The following CEP192 variants were observed in gnomAD, a reference collection of about 807,000 sequenced individuals.
CEP192 encodes the protein centrosomal protein 192.
In CEP192, 151 loss-of-function variants were observed where a neutral mutation model predicts 271.8. That is an observed-to-expected ratio of 0.56 (90% CI 0.49 to 0.64). CEP192 has a LOEUF of 0.64. Ranked by LOEUF, CEP192 falls within the 30% of genes least tolerant of loss-of-function variation. The pLI, the probability that CEP192 is intolerant of heterozygous loss-of-function variation, is 0.00. For missense variants in CEP192, 2,910 were observed against 3,020.5 expected (o/e 0.96, Z 0.86); for synonymous variants, 995 against 1,076.5 (o/e 0.92, Z 1.48).
intron 36 of CEP192, 24 bp downstream of exon 36, chr18:13,096,331 C>T: frequency 6.2e-7 from 1 of 1,602,580 alleles, no homozygotes; most frequent in Non-Finnish European, 8.5e-7. Flanking sequence ...CTGTGTTGCT[C>T]TGCGTGTTAC....
rs757859521 is a variant in CEP192 at position 13,092,452 on chromosome 18, T to C, written c.6179T>C (p.Ile2060Thr). Reference protein sequence around the residue: ...GSMCKIILSVIGEFRDCISSR... With the variant: ...GSMCKIILSVTGEFRDCISSR... Reference sequence around the variant, plus strand: ...ATGTGTAAAATTATACTTTCAGTAATTGGAGAATTCAGAGATTGCATTTCT... The same window carrying C: ...ATGTGTAAAATTATACTTTCAGTAACTGGAGAATTCAGAGATTGCATTTCT... The change falls in exon 34 of 45, where the codon ATT becomes ACT. Residue 2060 changes from isoleucine to threonine, a missense_variant. Ile to Thr is a moderately conservative substitution (Grantham distance 89, BLOSUM62 -1). Coordinates refer to ENST00000506447, the MANE Select transcript of CEP192 (RefSeq NM_032142.4). 5.6e-6 allele frequency: 9 copies of C among 1,608,072 alleles called. No individual in the cohort carries two copies. The highest frequency in any genetic ancestry group is 1.7e-5 in the Admixed American group (1 of 59,620).
rs1331065595 is a variant in CEP192, at chr18:13,116,272, A to G, written c.7290-105A>G. The G allele has an allele frequency of 2.0e-5, 21 of 1,071,976 alleles. No homozygotes were observed. The East Asian group carries it at 4.9e-4, about 25-fold the overall frequency. The allele number at this position is 1,071,976 out of a possible 1,614,324, so 66.4% of individuals were successfully genotyped here. On this transcript the variant is annotated intron_variant, in intron 42 of 44. Coordinates refer to ENST00000506447, the MANE Select transcript of CEP192 (RefSeq NM_032142.4). The stretch of plus-strand genomic sequence containing the variant: ...AACTTATATTTGAAAATAAATCACC[A>G]GGAAAACATAAATTAATGCAATACT...
intron 9 of CEP192, 52 bp downstream of exon 9, chr18:13,019,258 T>C: frequency 7.1e-7 from 1 of 1,402,144 alleles, no homozygotes; most frequent in Non-Finnish European, 9.4e-7. Flanking sequence ...ATAAGGGGTC[T>C]TTTGTGTTTA....
intron 44 of CEP192, among the ~76,000 whole-genome samples, chr18:13,118,823 A>G (rs909274919): frequency 6.6e-6 from 1 of 151,948 alleles, no homozygotes; most frequent in Non-Finnish European, 1.5e-5. Context: ...TCATCATTAA[A>G]TCTCCCCTGT....
intron 4 of CEP192, among the ~76,000 whole-genome samples, chr18:13,009,461 T>C (rs765313443): frequency 1.3e-5 from 2 of 152,232 alleles, no homozygotes; most frequent in African/African-American, 2.4e-5. Flanking sequence ...TGATGAATTA[T>C]AAGTTCTAAA....
intron 9 of CEP192, 95 bp from the exon 10 acceptor site, chr18:13,029,567 AT>A: frequency 1.4e-6 from 1 of 727,540 alleles, no homozygotes; most frequent in South Asian, 2.2e-5. Context: ...AACATTTTAT[AT>A]CAACTATATA....
In CEP192 at chr18:13,040,920, A is replaced by G; in HGVS notation, c.1900A>G (p.Lys634Glu). 6.2e-7 allele frequency: 1 copy of G among 1,612,106 alleles called. No individual in the cohort carries two copies. Among genetic ancestry groups the G allele is most frequent in the Non-Finnish European group, 8.5e-7 (1 of 1,178,700 alleles). ...TGATGTATCAAGAGGTAATTTGGAAAAAGAAATGGCTCATCTTAACCATGA... is the reference window on the plus strand; with the variant it reads ...TGATGTATCAAGAGGTAATTTGGAAGAAGAAATGGCTCATCTTAACCATGA... ...KSDVSRGNLE[K>E]EMAHLNHDLY... The change falls in exon 14 of 45, where the codon AAA becomes GAA. Residue 634 changes from lysine to glutamate, a missense_variant. Lys to Glu is a moderately conservative substitution (Grantham distance 56). Coordinates refer to ENST00000506447, the MANE Select transcript of CEP192 (RefSeq NM_032142.4).
chr18:13,086,587 A>G (rs1298539542), intron 30 of CEP192, among the ~76,000 whole-genome samples: 1 of 152,164 alleles, frequency 6.6e-6, no homozygotes, highest in Admixed American at 6.5e-5. Context: ...CGCCTTCAGT[A>G]TTGATCTCGC....
Position 13,116,454 on chromosome 18 carries a change from C to T in CEP192, c.7367C>T (p.Ser2456Leu). ...YRFRPTSVGE[S>L]RTLKVNLRNN... is the part of the protein sequence containing the mutation. ...TTCCGGCCGACTAGTGTGGGGGAATCACGGACACTTAAAGTCAATCTGCGA... is the reference window on the plus strand; with the variant it reads ...TTCCGGCCGACTAGTGTGGGGGAATTACGGACACTTAAAGTCAATCTGCGA... Residue 2456 changes from serine (S) to leucine (L), a missense_variant, in exon 43 of 45, where the codon TCA becomes TTA. By Grantham distance (145) the Ser-to-Leu change is moderately radical (BLOSUM62 -2). Transcript: ENST00000506447. The T allele has an allele frequency of 3.1e-6, 5 of 1,611,846 alleles. No individual in the cohort carries two copies. The highest frequency in any genetic ancestry group is 3.4e-6 in the Non-Finnish European group (4 of 1,179,218).
intron 34 of CEP192, among the ~76,000 whole-genome samples, chr18:13,093,767 A>G (rs1014295203): frequency 3.9e-5 from 6 of 152,244 alleles, no homozygotes; most frequent in African/African-American, 1.2e-4. Flanking sequence ...ACTGCATCCC[A>G]TAAAATCGGA....
At chr18:13,030,871 G>C (rs2143560337) in intron 11 of CEP192, among the ~76,000 whole-genome samples, 1 of 152,282 alleles carries the variant, frequency 6.6e-6, no homozygotes, top group Admixed American at 6.5e-5. Flanking sequence ...TAGTATTGCA[G>C]GGCTGGAAGG....
At chr18:13,019,389 C>G (rs1203492898) in intron 9 of CEP192, among the ~76,000 whole-genome samples, 183 bp downstream of exon 9, 1 of 152,110 alleles carries the variant, frequency 6.6e-6, no homozygotes, top group Non-Finnish European at 1.5e-5. Flanking sequence ...TATACATTTT[C>G]TTGCATTTAA....
intron 30 of CEP192, among the ~76,000 whole-genome samples, chr18:13,083,685 G>A (rs184659022): frequency 5.3e-4 from 81 of 152,302 alleles, no homozygotes; most frequent in Middle Eastern, 3.4e-3. Context: ...ATCTTTTGGA[G>A]GAGAAGAGGT....
intron 1 of CEP192, among the ~76,000 whole-genome samples, chr18:12,992,322 A>G (rs1036849831): frequency 6.6e-6 from 1 of 152,222 alleles, no homozygotes; most frequent in Admixed American, 6.5e-5. Flanking sequence ...AAGTGCCAAG[A>G]GTAAATGATG....
chr18:13,001,082 C>T (rs1432288156), intron 2 of CEP192, among the ~76,000 whole-genome samples: 1 of 152,248 alleles, frequency 6.6e-6, no homozygotes, highest in Non-Finnish European at 1.5e-5. Flanking sequence ...ATAGTTTACA[C>T]ATCCATTACA....
chr18:13,074,339 C>T (rs1394818697), intron 30 of CEP192, among the ~76,000 whole-genome samples: 13 of 152,152 alleles, frequency 8.5e-5, no homozygotes, highest in South Asian at 4.1e-4. Context: ...ATTTTAAAAA[C>T]TGGCGTCCTT....
chr18:13,114,237 T>C lies in CEP192; in HGVS notation c.7275T>C (p.Ser2425=), dbSNP rs2040333548. 1.2e-6 allele frequency: 2 copies of C among 1,613,648 alleles called. No individual in the cohort carries two copies. Among genetic ancestry groups the C allele is most frequent in the Admixed American group, 1.7e-5 (1 of 59,906 alleles). ...KPRRQAVSEA[S]ARIPEQLDVT... is the part of the protein sequence containing the mutation. ...GAAGACAAGCTGTGTCAGAGGCTTC[T>C]GCTCGCATACCTGAGTATGTTGTTT... The change falls in exon 42 of 45, where the codon TCT becomes TCC. Residue 2425 remains serine, a synonymous_variant. Transcript: ENST00000506447.
At chr18:13,086,903 A>G (rs1568395848) in intron 30 of CEP192, 114 bp from the exon 31 acceptor site, 3 of 738,340 alleles carry the variant, frequency 4.1e-6, no homozygotes, top group Non-Finnish European at 2.1e-6. Flanking sequence ...AAAGTACACA[A>G]ACATTTAAAT....
chr18:13,055,960 A>C lies in CEP192; in HGVS notation c.3370A>C (p.Ser1124Arg), dbSNP rs2037072291. 2.5e-6 allele frequency: 4 copies of C among 1,614,146 alleles called. No individual in the cohort carries two copies. The East Asian group carries it at 8.9e-5, about 36-fold the overall frequency. ...TRKATETTSL[S>R]SKPEYVKPDF... is the part of the protein sequence containing the mutation. ...AAAAGCAACTGAAACTACTTCTCTG[A>C]GTAGCAAGCCTGAATATGTAAAACC... Residue 1124 changes from serine (S) to arginine (R), a missense_variant, in exon 19 of 45, where the codon AGT (serine) becomes CGT (arginine). Ser to Arg is a moderately radical substitution (Grantham distance 110). Coordinates refer to ENST00000506447, the MANE Select transcript of CEP192 (RefSeq NM_032142.4).
Sources: gnomAD v4.1 joint callset for allele counts (sites outside exome capture counted in the v4.1 genomes callset) on GRCh38, gnomAD v4.1.1 for gene constraint, MANE v1.5 for transcripts, NCBI Gene and HGNC (gene_info 2026-07-23, HGNC 2026-07-21) for gene names.